ZFP28: variants seen among roughly 807,000 people sequenced by gnomAD.
ZFP28 encodes zinc finger protein 28 homolog.
In ZFP28, 31 loss-of-function variants were observed where a neutral mutation model predicts 39.5. That is an observed-to-expected ratio of 0.79 (90% CI 0.59 to 1.06). ZFP28 has a LOEUF of 1.06. ZFP28 is among the 50% of genes least tolerant of loss of function. The pLI is 0.00. For synonymous variants in ZFP28, 400 were observed against 378.6 expected (o/e 1.06, Z -0.66); for missense variants, 925 against 1,048.4 (o/e 0.88, Z 1.63).
chr19:56,554,783 C>T lies in ZFP28; in HGVS notation c.1998C>T (p.Thr666=). The T allele has an allele frequency of 2.5e-6, 4 of 1,614,026 alleles. No homozygotes were observed. Among genetic ancestry groups the T allele is most frequent in the Non-Finnish European group, 3.4e-6 (4 of 1,180,012 alleles). ...CTCACCTTGCACAGCATCAGAAAAC[C>T]CATACAGGAGAGAAACCATATGAGT... ...QKAHLAQHQK[T]HTGEKPYECK... is the part of the protein sequence containing the mutation. The change falls in exon 8 of 8, where the codon ACC becomes ACT. Residue 666 remains threonine, a synonymous_variant. Transcript: ENST00000301318. This position sits in a 1 kb window ranked among gnomAD's most constrained non-coding sequence, Gnocchi z 6.7.
chr19:56,553,778 T>C lies in ZFP28; in HGVS notation c.993T>C (p.Asp331=), dbSNP rs368514272. 1 of 1,614,150 alleles carries C rather than the reference T, an allele frequency of 6.2e-7. No individual in the cohort carries two copies. The part of the protein sequence containing the change: ...VTDRTSNTKL[D]CSSFRENWDS... ...ACAGAACCTCAAACACTAAACTTGA[T>C]TGTTCCAGTTTCAGAGAAAATTGGG... Residue 331 remains aspartate, a synonymous_variant, in exon 8 of 8, where the codon GAT becomes GAC. Transcript: ENST00000301318.
chr19:56,554,456 A>G lies in ZFP28; in HGVS notation c.1671A>G (p.Gly557=), dbSNP rs768550455. The G allele has an allele frequency of 6.2e-7, 1 of 1,614,224 alleles. No individual in the cohort carries two copies. Among genetic ancestry groups the G allele is most frequent in the Non-Finnish European group, 8.5e-7 (1 of 1,180,048 alleles). The part of the protein sequence containing the change: ...SLTVHQRIHT[G]EKPYECDVCR... ...CTGTACATCAAAGGATTCATACCGG[A>G]GAAAAACCATATGAATGTGATGTTT... The change falls in exon 8 of 8, where the codon GGA becomes GGG. Residue 557 remains glycine (G), a synonymous_variant. Transcript: ENST00000301318. The surrounding 1 kb of genome is among the most constrained non-coding windows in gnomAD (Gnocchi z 6.7).
chr19:56,554,018 A>C lies in ZFP28; in HGVS notation c.1233A>C (p.Thr411=). 6.2e-7 allele frequency: 1 copy of C among 1,612,392 alleles called. No individual in the cohort carries two copies. The highest frequency in any genetic ancestry group is 1.7e-5 in the Admixed American group (1 of 59,568). The change falls in exon 8 of 8, where the codon ACA becomes ACC. Residue 411 remains threonine (T), a synonymous_variant. Transcript: ENST00000301318. The surrounding 1 kb of genome is among the most constrained non-coding windows in gnomAD (Gnocchi z 6.7). ...FQKSSVVIKQ[T]GIYAGKKLFK... Reference sequence around the variant, plus strand: ...AAAGTTCAGTGGTAATAAAACAAACAGGCATCTATGCAGGAAAAAAGCTTT... The same window carrying C: ...AAAGTTCAGTGGTAATAAAACAAACCGGCATCTATGCAGGAAAAAAGCTTT...
intron 2 of ZFP28, among the ~76,000 whole-genome samples, chr19:56,541,247 C>T (rs2044192817): frequency 2.6e-5 from 4 of 152,202 alleles, no homozygotes; most frequent in Non-Finnish European, 5.9e-5. Flanking sequence ...TTACTCAGTC[C>T]GGAAGCCTTG....
In ZFP28 at chr19:56,549,906, A is replaced by G. The variant is rs1056950640; in HGVS notation, c.688-161A>G. Among the ~76,000 whole-genome samples, 8 of 152,338 alleles carry G rather than the reference A, an allele frequency of 5.3e-5. No homozygotes were observed. The East Asian group carries it at 7.7e-4, about 15-fold the overall frequency. On this transcript the variant is annotated intron_variant, in intron 5 of 7. Transcript: ENST00000301318. Reference sequence around the variant, plus strand: ...GTGTTTTTCCCCAAACATGTATGCTATAACTAAGCCCTGTCATTATTTGAC... The same window carrying G: ...GTGTTTTTCCCCAAACATGTATGCTGTAACTAAGCCCTGTCATTATTTGAC...
chr19:56,551,307 A>G, intron 7 of ZFP28: 3 of 986,866 alleles, frequency 3.0e-6, no homozygotes, highest in African/African-American at 3.5e-5. Flanking sequence ...AGAAAATGTA[A>G]TTGTTTACTG....
intron 7 of ZFP28, chr19:56,551,699 C>T (rs367686275): frequency 9.1e-6 from 9 of 984,626 alleles, no homozygotes; most frequent in African/African-American, 8.7e-5. Flanking sequence ...AACTTTTGCT[C>T]ATTATTTGTT....
upstream of ZFP28, chr19:56,538,863 G>C (rs1238633911): frequency 2.4e-6 from 1 of 409,474 alleles, no homozygotes; most frequent in Non-Finnish European, 3.5e-6. Flanking sequence ...GGCGGGGCGC[G>C]GCCGGGGGCG....
In ZFP28 at chr19:56,554,468, T is replaced by A; in HGVS notation, c.1683T>A (p.Tyr561Ter). 6.2e-7 allele frequency: 1 copy of A among 1,614,200 alleles called. No individual in the cohort carries two copies. Among genetic ancestry groups the A allele is most frequent in the Non-Finnish European group, 8.5e-7 (1 of 1,180,042 alleles). ...GGATTCATACCGGAGAAAAACCATA[T>A]GAATGTGATGTTTGCAGAAAAGCCT... ...HQRIHTGEKPYECDVCRKAFS... is the reference protein window; with the variant it reads ...HQRIHTGEKP The change falls in exon 8 of 8, where the codon TAT becomes TAA. Residue 561 changes from tyrosine to a stop codon, truncating the protein, a stop_gained. Coordinates refer to ENST00000301318, the MANE Select transcript of ZFP28 (RefSeq NM_020828.2). LOFTEE classifies it low-confidence loss of function (END_TRUNC). The surrounding 1 kb of genome is among the most constrained non-coding windows in gnomAD (Gnocchi z 6.7).
At chr19:56,544,994 A>G (rs116605604) in intron 2 of ZFP28, among the ~76,000 whole-genome samples, 97 of 152,370 alleles carry the variant, frequency 6.4e-4, no homozygotes, top group African/African-American at 2.2e-3. Flanking sequence ...CTGGGAAACT[A>G]GGGTTGATTC....
chr19:56,554,623 G>C lies in ZFP28; in HGVS notation c.1838G>C (p.Gly613Ala). The stretch of plus-strand genomic sequence containing the variant: ...GCCAGTCATTTAAGGATTCATACTG[G>C]GGAGAAGCCTTTTGAATGTGCGGAG... ...HLASHLRIHT[G>A]EKPFECAECG... The change falls in exon 8 of 8, where the codon GGG becomes GCG. Residue 613 changes from glycine to alanine, a missense_variant. Coordinates refer to ENST00000301318, the MANE Select transcript of ZFP28 (RefSeq NM_020828.2). This position sits in a 1 kb window ranked among gnomAD's most constrained non-coding sequence, Gnocchi z 6.7. 6.2e-7 allele frequency: 1 copy of C among 1,613,764 alleles called. No individual in the cohort carries two copies. Among genetic ancestry groups the C allele is most frequent in the Non-Finnish European group, 8.5e-7 (1 of 1,179,688 alleles).
At chr19:56,548,553 A>C (rs1179645839) in intron 4 of ZFP28, 1 of 154,262 alleles carries the variant, frequency 6.5e-6, no homozygotes, top group Non-Finnish European at 1.4e-5. Context: ...TTAAAGCTGA[A>C]ATAAGGATCA....
chr19:56,543,374 T>C (rs1289555941), intron 2 of ZFP28, among the ~76,000 whole-genome samples: 1 of 132,226 alleles, frequency 7.6e-6, no homozygotes, highest in East Asian at 2.8e-4. Flanking sequence ...TATTAATATA[T>C]GTATATTATA....
Position 56,539,143 on chromosome 19 carries a change from C to G in ZFP28, c.125C>G (p.Pro42Arg). ...GGGACTCCAGCCACCTTGGCCCTCCCTGCCCGGGGAAGGCCGCGCTCAAGG... is the reference window on the plus strand; with the variant it reads ...GGGACTCCAGCCACCTTGGCCCTCCGTGCCCGGGGAAGGCCGCGCTCAAGG... ...TVGTPATLAL[P>R]ARGRPRSRNG... The change falls in exon 1 of 8, where the codon CCT becomes CGT. Residue 42 changes from proline (P) to arginine (R), a missense_variant. By Grantham distance (103) the Pro-to-Arg change is moderately radical. Transcript: ENST00000301318. 5.6e-6 allele frequency: 9 copies of G among 1,594,134 alleles called. No individual in the cohort carries two copies. Among genetic ancestry groups the G allele is most frequent in the Admixed American group, 1.7e-5 (1 of 58,704 alleles).
At chr19:56,550,824 T>C in intron 7 of ZFP28, 3 of 1,491,226 alleles carry the variant, frequency 2.0e-6, no homozygotes, top group Middle Eastern at 1.8e-4. Flanking sequence ...CTTCTTTTCT[T>C]GGCCACTGGG....
rs1028988298 is a variant in ZFP28 at position 56,542,289 on chromosome 19, A to G, written c.300+2573A>G. ...CCATCTCAGCCTCCGAAGTAGCTGG[A>G]ATTACAGGCATGTGCCACCATGCCC... On this transcript the variant is annotated intron_variant, in intron 2 of 7. Coordinates refer to ENST00000301318, the MANE Select transcript of ZFP28 (RefSeq NM_020828.2). 1.4e-4 allele frequency among the ~76,000 whole-genome samples: 21 copies of G among 152,074 alleles called. No individual in the cohort carries two copies. In the South Asian group the frequency reaches 2.3e-3, roughly 17 times the overall value.
chr19:56,551,964 G>C (rs1188688736), intron 7 of ZFP28: 1 of 975,072 alleles, frequency 1.0e-6, no homozygotes. Context: ...TTAAAATTAT[G>C]ACATGTAAAA....
intron 2 of ZFP28, chr19:56,546,461 C>T (rs961990085): frequency 1.3e-5 from 2 of 152,202 alleles, no homozygotes; most frequent in African/African-American, 2.4e-5. Flanking sequence ...GAAAATCCTG[C>T]TCATGCCAAG....
rs1333380754 is a variant in ZFP28, at chr19:56,554,979, A to G, written c.2194A>G (p.Ile732Val). Residue 732 changes from isoleucine to valine, a missense_variant, in exon 8 of 8, where the codon ATT (isoleucine) becomes GTT (valine). Transcript: ENST00000301318. The surrounding 1 kb of genome is among the most constrained non-coding windows in gnomAD (Gnocchi z 6.7). Reference protein sequence around the residue: ...LHTGQRPYECIECGKAFKTKS... With the variant: ...LHTGQRPYECVECGKAFKTKS... ...CACTGGCCAAAGACCTTATGAATGT[A>G]TTGAGTGTGGAAAGGCATTCAAGAC... The G allele has an allele frequency of 1.9e-6, 3 of 1,614,170 alleles. No individual in the cohort carries two copies. Among genetic ancestry groups the G allele is most frequent in the Non-Finnish European group, 2.5e-6 (3 of 1,180,034 alleles).
Sources: gnomAD v4.1 joint callset for allele counts (sites outside exome capture counted in the v4.1 genomes callset) on GRCh38, gnomAD v4.1.1 for gene constraint, Gnocchi (gnomAD v3.1) non-coding constraint, MANE v1.5 for transcripts, NCBI Gene and HGNC (gene_info 2026-07-23, HGNC 2026-07-21) for gene names.